Variants in ATF6 observed in about 807,000 individuals in gnomAD.
ATF6 encodes the protein activating transcription factor 6.
In ATF6, 53 loss-of-function variants were observed where a neutral mutation model predicts 83.6. The ratio of observed to expected loss-of-function variants is 0.63; its 90% CI spans 0.51 to 0.80. The LOEUF (loss-of-function observed/expected upper bound fraction) is 0.80, where lower values mean the gene tolerates loss of function less well. ATF6 is among the 30% of genes least tolerant of loss of function. ATF6 has a pLI of 0.00. For missense variants in ATF6, 744 were observed against 797.9 expected, an observed-to-expected ratio of 0.93 and a Z score of 0.81; for synonymous variants, 288 against 285.8, an observed-to-expected ratio of 1.01 and a Z score of -0.08.
At chr1:161,947,157 G>A (rs1288974413) in intron 15 of ATF6, among the ~76,000 whole-genome samples, 2 of 152,214 alleles carry the variant, frequency 1.3e-5, no homozygotes, top group Non-Finnish European at 2.9e-5. Flanking sequence ...AACGATACAA[G>A]GATTACGGCA....
chr1:161,856,422 C>G (rs1448771107), intron 12 of ATF6, among the ~76,000 whole-genome samples: 2 of 152,152 alleles, frequency 1.3e-5, no homozygotes, highest in Non-Finnish European at 2.9e-5. Context: ...CCTAGTACTT[C>G]AAAAATTCAT....
intron 9 of ATF6, among the ~76,000 whole-genome samples, chr1:161,842,615 A>G (rs1407406074): frequency 6.6e-6 from 1 of 152,188 alleles, no homozygotes; most frequent in East Asian, 1.9e-4. Flanking sequence ...CAGGAATGGA[A>G]AACCAAACAG....
intron 4 of ATF6, among the ~76,000 whole-genome samples, chr1:161,790,883 CA>C (rs1362661580): frequency 6.6e-6 from 1 of 152,080 alleles, no homozygotes; most frequent in African/African-American, 2.4e-5. Context: ...TCTTTTACAA[CA>C]TTTGGAACAA....
At chr1:161,795,025 A>C (rs1010589602) in intron 6 of ATF6, among the ~76,000 whole-genome samples, 9 of 152,312 alleles carry the variant, frequency 5.9e-5, no homozygotes, top group African/African-American at 9.6e-5. Flanking sequence ...AATGGGAGAC[A>C]GAGGTAAAAT....
intron 6 of ATF6, among the ~76,000 whole-genome samples, chr1:161,799,758 T>G (rs896719943): frequency 6.6e-6 from 1 of 152,198 alleles, no homozygotes; most frequent in Non-Finnish European, 1.5e-5. Flanking sequence ...CTACTTTCAG[T>G]GTGTTTTTTG....
At chr1:161,956,090 T>A (rs148631715) in intron 15 of ATF6, among the ~76,000 whole-genome samples, 363 of 152,292 alleles carry the variant, frequency 2.4e-3, no homozygotes, top group African/African-American at 8.3e-3. Flanking sequence ...ACCGCAGTTA[T>A]CAGTTTAAAC....
chr1:161,782,411 T>C (rs1399073168), intron 3 of ATF6, among the ~76,000 whole-genome samples: 1 of 152,162 alleles, frequency 6.6e-6, no homozygotes, highest in East Asian at 1.9e-4. Context: ...ACCTGGCTGA[T>C]ACTAATATCT....
At position 161,846,493 on chromosome 1, in the gene ATF6, C is replaced by T. The variant is rs773719005; in HGVS notation, c.1232C>T (p.Pro411Leu). 1.2e-6 allele frequency: 2 copies of T among 1,610,862 alleles called. No homozygotes were observed. Among genetic ancestry groups the T allele is most frequent in the African/African-American group, 1.3e-5 (1 of 74,692 alleles). ...DSRRMNPSVS[P>L]ANQRRHLLGF... ...AGGAGAATGAACCCTAGTGTGAGCC[C>T]TGCAAATCAAAGGAGGCACCTTCTA... Residue 411 changes from proline (P) to leucine (L), a missense_variant, in exon 10 of 16, where the codon CCT becomes CTT. Coordinates refer to ENST00000367942, the MANE Select transcript of ATF6 (RefSeq NM_007348.4).
At chr1:161,789,213 C>T (rs1340127149) in intron 4 of ATF6, among the ~76,000 whole-genome samples, 2 of 150,246 alleles carry the variant, frequency 1.3e-5, no homozygotes, top group Non-Finnish European at 3.0e-5. Context: ...AGTATAGTCA[C>T]CCTGCTGTGC....
At chr1:161,858,078 G>T (rs1571194890) in intron 12 of ATF6, among the ~76,000 whole-genome samples, 1 of 152,040 alleles carries the variant, frequency 6.6e-6, no homozygotes, top group African/African-American at 2.4e-5. Context: ...TTGCTCTCCT[G>T]CCTGGGCAAC....
chr1:161,844,059 A>G (rs758639177), intron 9 of ATF6, among the ~76,000 whole-genome samples: 63 of 152,350 alleles, frequency 4.1e-4, no homozygotes, highest in Non-Finnish European at 7.9e-4. Flanking sequence ...TGGGCTCAAT[A>G]TAAATAGAGT....
At chr1:161,790,444 A>T (rs1028025039) in intron 4 of ATF6, among the ~76,000 whole-genome samples, 4 of 152,152 alleles carry the variant, frequency 2.6e-5, no homozygotes, top group African/African-American at 4.8e-5. Flanking sequence ...GAATATTAAA[A>T]GACTTTGGGA....
intron 9 of ATF6, among the ~76,000 whole-genome samples, chr1:161,833,460 C>A (rs1686125867): frequency 6.6e-6 from 1 of 151,874 alleles, no homozygotes; most frequent in South Asian, 2.1e-4. Context: ...CTACTCCGAG[C>A]TAAAGGAGGA....
intron 15 of ATF6, among the ~76,000 whole-genome samples, chr1:161,944,798 G>A (rs1043541480): frequency 7.2e-5 from 11 of 152,170 alleles, no homozygotes; most frequent in African/African-American, 2.4e-4. Flanking sequence ...GGTGTCTGGG[G>A]GTCAGGAAAG....
intron 9 of ATF6, among the ~76,000 whole-genome samples, chr1:161,822,615 C>T (rs1174870079): frequency 6.6e-6 from 1 of 152,086 alleles, no homozygotes; most frequent in Non-Finnish European, 1.5e-5. Flanking sequence ...CAACCCCTTG[C>T]TCTCATGAAA....
intron 14 of ATF6, among the ~76,000 whole-genome samples, chr1:161,876,687 CAA>C (rs1435985521): frequency 6.6e-6 from 1 of 151,988 alleles, no homozygotes; most frequent in Admixed American, 6.6e-5. Flanking sequence ...ATGTCTGAAA[CAA>C]GAGAAAGATG....
intron 14 of ATF6, among the ~76,000 whole-genome samples, chr1:161,896,659 A>G (rs1687682959): frequency 6.6e-6 from 1 of 152,230 alleles, no homozygotes; most frequent in Non-Finnish European, 1.5e-5. Context: ...TCCTTTTACA[A>G]TTTGGCCATT....
chr1:161,813,834 A>G (rs1332319268), intron 7 of ATF6, among the ~76,000 whole-genome samples: 2 of 151,796 alleles, frequency 1.3e-5, no homozygotes, highest in Non-Finnish European at 2.9e-5. Context: ...TTTTCATTTA[A>G]TGACTTAAAT....
chr1:161,856,740 A>G (rs1056654504), intron 12 of ATF6, among the ~76,000 whole-genome samples: 5 of 152,096 alleles, frequency 3.3e-5, no homozygotes, highest in African/African-American at 1.2e-4. Flanking sequence ...TGGCCTTATC[A>G]TTAGATGGAA....
Sources: allele counts gnomAD v4.1 joint callset (sites outside exome capture counted in the v4.1 genomes callset), GRCh38; gene constraint gnomAD v4.1.1; transcripts MANE v1.5; gene names NCBI Gene and HGNC (gene_info 2026-07-23, HGNC 2026-07-21).